The following KIF1B variants were observed in gnomAD, a reference collection of about 807,000 sequenced individuals.
KIF1B encodes the protein kinesin-like protein KIF1B.
A neutral mutation model predicts 241.9 loss-of-function variants in KIF1B; 76 were observed. That is an observed-to-expected ratio of 0.31 (90% confidence interval 0.26 to 0.38). The LOEUF is 0.38. KIF1B is among the 10% of genes least tolerant of loss of function. KIF1B has a pLI of 1.00. For synonymous variants in KIF1B, 750 were observed against 796.7 expected (o/e 0.94, Z 0.99); for missense variants, 1,622 against 2,271.4 (o/e 0.71, Z 5.81).
At chr1:10,305,434 T>C in intron 22 of KIF1B, 1 of 1,057,492 alleles carries the variant, frequency 9.5e-7, no homozygotes, top group Non-Finnish European at 1.1e-6. Context: ...AAGTGAACTA[T>C]TCACCAAAAT....
At chr1:10,334,401 G>A in intron 27 of KIF1B, 119 bp from the exon 28 acceptor site, 1 of 821,814 alleles carries the variant, frequency 1.2e-6, no homozygotes, top group Non-Finnish European at 2.2e-6. Context: ...CTGAGAAGGG[G>A]TCTTAAGACA....
At chr1:10,323,245 G>A (rs546102285) in intron 24 of KIF1B, among the ~76,000 whole-genome samples, 2 of 152,190 alleles carry the variant, frequency 1.3e-5, no homozygotes, top group Non-Finnish European at 2.9e-5. Context: ...TCTCTCATTA[G>A]TGAGGGACTA....
chr1:10,261,270 A>AT lies in KIF1B; in HGVS notation c.364-617dup, dbSNP rs141281398. On this transcript the variant is annotated intron_variant, in intron 4 of 48. Coordinates refer to ENST00000676179, the MANE Select transcript of KIF1B (RefSeq NM_001365951.3). ...GGCGTGAGCCACTGCACCTGGCCAA[A>AT]TTTTTTTTTTTTTTTTTTAGACAGA... Among the ~76,000 whole-genome samples, 452 of 137,004 alleles carry AT rather than the reference A, an allele frequency of 3.3e-3. 3 individuals are homozygous for AT. Among genetic ancestry groups the AT allele is most frequent in the Middle Eastern group, 7.9e-3 (2 of 254 alleles). The allele number at this position is 137,004 out of a possible 152,430, so 89.9% of individuals were successfully genotyped here.
chr1:10,301,498 T>G (rs1342871476), intron 22 of KIF1B, among the ~76,000 whole-genome samples: 1 of 152,038 alleles, frequency 6.6e-6, no homozygotes, highest in African/African-American at 2.4e-5. Context: ...AAACCCCATC[T>G]CTACCAAAAA....
chr1:10,284,452 G>A (rs188288237), intron 15 of KIF1B, among the ~76,000 whole-genome samples: 13 of 152,200 alleles, frequency 8.5e-5, no homozygotes, highest in Admixed American at 6.5e-4. Flanking sequence ...TTGGGAGGCT[G>A]AGGCAGGCAG....
At chr1:10,258,808 A>T (rs1396601397) in intron 4 of KIF1B, 136 bp downstream of exon 4, 1 of 876,262 alleles carries the variant, frequency 1.1e-6, no homozygotes, top group Non-Finnish European at 1.8e-6. Flanking sequence ...ACAACCCATT[A>T]TTTTCCCTCA....
At chr1:10,342,019 G>A (rs371980555) in intron 32 of KIF1B, 31 bp from the exon 33 acceptor site, 4 of 1,339,850 alleles carry the variant, frequency 3.0e-6, no homozygotes, top group Non-Finnish European at 4.3e-6. Flanking sequence ...GTATTTTCTT[G>A]TAATCTTTTC....
intron 47 of KIF1B, 62 bp from the exon 48 acceptor site, chr1:10,375,193 C>A: frequency 1.3e-6 from 2 of 1,500,116 alleles, no homozygotes; most frequent in Non-Finnish European, 1.9e-6. Flanking sequence ...GGGAATATGG[C>A]AAGGCAGTCC....
intron 31 of KIF1B, among the ~76,000 whole-genome samples, chr1:10,338,403 C>A (rs564577211): frequency 4.6e-5 from 7 of 152,310 alleles, no homozygotes; most frequent in African/African-American, 1.7e-4. Flanking sequence ...CCACTAATAT[C>A]ATTTGCTACA....
Position 10,225,492 on chromosome 1 carries a change from G to A in KIF1B, c.-79-6758G>A, listed in dbSNP as rs992645333. On this transcript the variant is annotated intron_variant, in intron 1 of 48. Transcript: ENST00000676179. ...AAAAAACAACAAAACAATAAAAAAA[G>A]TAATTTATTCTGCCTTGGGTAAGGT... Among the ~76,000 whole-genome samples the A allele has an allele frequency of 2.0e-5, 3 of 152,230 alleles. No homozygotes were observed. The South Asian group carries it at 6.2e-4, about 32-fold the overall frequency.
At chr1:10,268,648 A>G (rs891076909) in intron 7 of KIF1B, among the ~76,000 whole-genome samples, 2 of 133,318 alleles carry the variant, frequency 1.5e-5, no homozygotes, top group African/African-American at 5.7e-5. Context: ...TTTTTGAGCT[A>G]TGATAATGTT....
chr1:10,296,598 GC>G lies in KIF1B; in HGVS notation c.1797del (p.Cys600ValfsTer8). 6.2e-7 allele frequency: 1 copy of G among 1,613,802 alleles called. No individual in the cohort carries two copies. The highest frequency in any genetic ancestry group is 8.5e-7 in the Non-Finnish European group (1 of 1,179,830). ...NSGEVIVTLE[P>X]CERSETYVNG... Reference sequence around the variant, plus strand: ...TCCTCTTAGTTATCGTGACCTTAGAGCCCTGTGAGCGCTCAGAAACCTACGT... The same window carrying G: ...TCCTCTTAGTTATCGTGACCTTAGAGCCTGTGAGCGCTCAGAAACCTACGT... On this transcript the variant is annotated frameshift_variant, in exon 20 of 49. Transcript: ENST00000676179. LOFTEE classifies it high-confidence loss of function.
chr1:10,221,032 T>C (rs1368195280), intron 1 of KIF1B, among the ~76,000 whole-genome samples: 1 of 151,762 alleles, frequency 6.6e-6, no homozygotes, highest in Non-Finnish European at 1.5e-5. Flanking sequence ...AAAAATCTGA[T>C]ATGTCAGGAG....
At chr1:10,288,283 G>C (rs200131969) in intron 15 of KIF1B, among the ~76,000 whole-genome samples, 1 of 152,140 alleles carries the variant, frequency 6.6e-6, no homozygotes, top group Admixed American at 6.5e-5. Context: ...AATAACTTTT[G>C]TGGTGCTTTA....
chr1:10,291,707 C>G (rs1331060600), intron 16 of KIF1B, among the ~76,000 whole-genome samples: 1 of 133,024 alleles, frequency 7.5e-6, no homozygotes, highest in East Asian at 2.2e-4. Flanking sequence ...AAGACTCTGT[C>G]TCAAAAAAAA....
At chr1:10,299,211 A>G (rs1650422720) in intron 22 of KIF1B, 1 of 150,856 alleles carries the variant, frequency 6.6e-6, no homozygotes, top group Non-Finnish European at 1.5e-5. Flanking sequence ...GTGCCCTAAA[A>G]TAAAGATGGC....
intron 15 of KIF1B, among the ~76,000 whole-genome samples, chr1:10,289,241 G>A (rs1649866032): frequency 6.6e-6 from 1 of 152,056 alleles, no homozygotes. Flanking sequence ...ACTCAGCCTT[G>A]ATTCACCCAT....
chr1:10,362,809 G>A (rs1486425205), intron 40 of KIF1B, among the ~76,000 whole-genome samples: 8 of 152,182 alleles, frequency 5.3e-5, no homozygotes, highest in Admixed American at 2.6e-4. Flanking sequence ...GGTGGCTTAT[G>A]CCTATAATCT....
chr1:10,313,997 C>T (rs1380823741), intron 22 of KIF1B, among the ~76,000 whole-genome samples: 1 of 151,054 alleles, frequency 6.6e-6, no homozygotes, highest in Non-Finnish European at 1.5e-5. Context: ...TGGGTTCAAG[C>T]AGTTCTCCTG....
Sources: gnomAD v4.1 joint callset for allele counts (sites outside exome capture counted in the v4.1 genomes callset) on GRCh38, gnomAD v4.1.1 for gene constraint, MANE v1.5 for transcripts, NCBI Gene and HGNC (gene_info 2026-07-23, HGNC 2026-07-21) for gene names.